The following SLC39A11 variants were observed in gnomAD, a reference collection of about 807,000 sequenced individuals.
SLC39A11 encodes the protein zinc transporter ZIP11.
In SLC39A11, 33 loss-of-function variants were observed where a neutral mutation model predicts 36.1. That is an observed-to-expected ratio of 0.91 (90% confidence interval 0.69 to 1.22). The LOEUF (loss-of-function observed/expected upper bound fraction) is 1.22. SLC39A11 is among the 50% of genes most tolerant of loss of function. The pLI is 0.00. For missense variants in SLC39A11, 432 were observed against 430.3 expected (o/e 1.00, Z -0.03); for synonymous variants, 166 against 170.3 (o/e 0.97, Z 0.20).
At chr17:72,911,418 T>TAA (rs75157228) in intron 5 of SLC39A11, among the ~76,000 whole-genome samples, 1 of 132,010 alleles carries the variant, frequency 7.6e-6, no homozygotes, top group African/African-American at 2.6e-5. Context: ...AAGTATAATT[T>TAA]AAAAAAAAAA....
At chr17:72,657,871 C>T (rs2070208422) in intron 7 of SLC39A11, among the ~76,000 whole-genome samples, 1 of 152,172 alleles carries the variant, frequency 6.6e-6, no homozygotes, top group Non-Finnish European at 1.5e-5. Context: ...CGCTTTTAGC[C>T]CCTTGGATCT....
chr17:72,773,275 G>C (rs2076012529), intron 6 of SLC39A11, among the ~76,000 whole-genome samples: 1 of 152,068 alleles, frequency 6.6e-6, no homozygotes, highest in South Asian at 2.1e-4. Flanking sequence ...GGGTGACATG[G>C]TTTGGCTGTG....
chr17:72,744,436 T>A (rs1314722437), intron 6 of SLC39A11, among the ~76,000 whole-genome samples: 1 of 152,154 alleles, frequency 6.6e-6, no homozygotes, highest in African/African-American at 2.4e-5. Flanking sequence ...AAAAAAAAAA[T>A]TAAACTCTTA....
At chr17:72,967,370 CAGAGAGAGAGAG>C (rs72044418) in intron 4 of SLC39A11, among the ~76,000 whole-genome samples, 1 of 110,034 alleles carries the variant, frequency 9.1e-6, no homozygotes, top group Non-Finnish European at 1.9e-5. Flanking sequence ...TAAGCATGCT[CAGAGAGAGAGAG>C]AGAGAGAGAG....
At chr17:72,983,762 G>T (rs895283860) in intron 4 of SLC39A11, among the ~76,000 whole-genome samples, 3 of 152,152 alleles carry the variant, frequency 2.0e-5, no homozygotes, top group Non-Finnish European at 4.4e-5. Context: ...TCAGAGCCAG[G>T]CTCTTCACCC....
intron 6 of SLC39A11, among the ~76,000 whole-genome samples, chr17:72,827,295 A>G (rs1297755966): frequency 6.6e-6 from 1 of 152,244 alleles, no homozygotes; most frequent in African/African-American, 2.4e-5. Flanking sequence ...AGCCAAATTC[A>G]TAGAGACAAA....
chr17:72,915,479 C>T (rs1486283941), intron 5 of SLC39A11, among the ~76,000 whole-genome samples: 1 of 152,178 alleles, frequency 6.6e-6, no homozygotes, highest in Non-Finnish European at 1.5e-5. Context: ...CTGTGTGGTA[C>T]AACGTGGGCC....
rs1301093687 is a variant in SLC39A11, at chr17:72,765,592, T to C, written c.602-28873A>G. 2.6e-5 allele frequency among the ~76,000 whole-genome samples: 4 copies of C among 152,192 alleles called. No homozygotes were observed. In the East Asian group the frequency reaches 7.7e-4, roughly 29 times the overall value. On this transcript the variant is annotated intron_variant, in intron 6 of 9. Transcript: ENST00000255559. ...ATAAATCTGCCTGGGGGTACTCTCCTTCAGCATGCAGAGAACTGGTCCAGG... is the reference window on the plus strand; with the variant it reads ...ATAAATCTGCCTGGGGGTACTCTCCCTCAGCATGCAGAGAACTGGTCCAGG...
intron 7 of SLC39A11, among the ~76,000 whole-genome samples, chr17:72,681,375 CTG>C (rs1369058961): frequency 2.6e-5 from 4 of 152,156 alleles, no homozygotes; most frequent in African/African-American, 9.7e-5. Flanking sequence ...ATGATTAGAA[CTG>C]TGTTTCTAAG....
At chr17:72,898,923 G>T (rs944974095) in intron 5 of SLC39A11, among the ~76,000 whole-genome samples, 11 of 152,190 alleles carry the variant, frequency 7.2e-5, no homozygotes, top group Admixed American at 5.9e-4. Context: ...GGAGCAGGAG[G>T]AGACCCTTCG....
chr17:72,903,681 G>T (rs377194425), intron 5 of SLC39A11, among the ~76,000 whole-genome samples: 1 of 152,178 alleles, frequency 6.6e-6, no homozygotes, highest in South Asian at 2.1e-4. Flanking sequence ...TGAAGGGGGA[G>T]GTGGAGAGAG....
chr17:73,085,266 G>A (rs984635743), intron 2 of SLC39A11, among the ~76,000 whole-genome samples: 1 of 151,986 alleles, frequency 6.6e-6, no homozygotes, highest in African/African-American at 2.4e-5. Flanking sequence ...CAGCACTGTG[G>A]GAGGCTGAGG....
At chr17:72,946,547 C>G (rs552795713) in intron 5 of SLC39A11, among the ~76,000 whole-genome samples, 1 of 152,304 alleles carries the variant, frequency 6.6e-6, no homozygotes, top group East Asian at 1.9e-4. Context: ...GGACTGTTCT[C>G]CCTGAAATCA....
At chr17:72,947,998 T>C (rs2085544896) in intron 4 of SLC39A11, 123 bp from the exon 5 acceptor site, 4 of 1,277,588 alleles carry the variant, frequency 3.1e-6, no homozygotes, top group African/African-American at 1.5e-5. Context: ...GCTGAGCCAG[T>C]CCTCCGGCCA....
intron 1 of SLC39A11, chr17:73,091,909 T>C (rs2060936747): frequency 6.6e-6 from 1 of 152,302 alleles, no homozygotes; most frequent in Non-Finnish European, 1.5e-5. Context: ...AAACCTGTTG[T>C]TCCGCTTCCA....
In SLC39A11 at chr17:72,729,430, TATATATATATATATATATA is replaced by T. The variant is rs1567994654; in HGVS notation, c.671+7201_671+7219del. On this transcript the variant is annotated intron_variant, in intron 7 of 9. Transcript: ENST00000255559. ...TTATATATATATATATATATATATA[TATATATATATATATATATA>T]TATATATATTTTTTTTTTTTTTTTT... 3.5e-3 allele frequency among the ~76,000 whole-genome samples: 11 copies of T among 3,178 alleles called. 1 individual carries two copies. Among genetic ancestry groups the T allele is most frequent in the South Asian group, 0.011 (1 of 94 alleles). The allele number at this position is 3,178 out of a possible 152,430, so 2.1% of individuals were successfully genotyped here. A position where few individuals can be genotyped will look rare whatever the true frequency, so the allele number is the denominator to read the frequency against.
intron 3 of SLC39A11, among the ~76,000 whole-genome samples, chr17:73,050,966 A>G (rs1255953702): frequency 6.6e-6 from 1 of 152,186 alleles, no homozygotes; most frequent in Admixed American, 6.5e-5. Context: ...AGAATAAGGC[A>G]AGATCCAGTA....
intron 3 of SLC39A11, among the ~76,000 whole-genome samples, chr17:73,051,083 C>A (rs2059481903): frequency 6.6e-6 from 1 of 152,152 alleles, no homozygotes; most frequent in South Asian, 2.1e-4. Flanking sequence ...GTTAGAAATG[C>A]AAAATCAAGG....
chr17:72,740,714 A>T (rs1218290647), intron 6 of SLC39A11, among the ~76,000 whole-genome samples: 1 of 152,198 alleles, frequency 6.6e-6, no homozygotes, highest in Non-Finnish European at 1.5e-5. Flanking sequence ...TATGCAATTC[A>T]CTGCAGAGAT....
Sources: gnomAD v4.1 joint callset for allele counts (sites outside exome capture counted in the v4.1 genomes callset) on GRCh38, gnomAD v4.1.1 for gene constraint, MANE v1.5 for transcripts, NCBI Gene and HGNC (gene_info 2026-07-23, HGNC 2026-07-21) for gene names.